Variants in FAHD2B observed in about 807,000 individuals in gnomAD.
The protein encoded by FAHD2B is fumarylacetoacetate hydrolase domain containing 2B, also known as oxaloacetate tautomerase FAHD2B, mitochondrial.
FAHD2B carries 26 observed loss-of-function variants against 33.7 expected under a neutral mutation model. The observed-to-expected ratio is 0.77, with a 90% CI of 0.57 to 1.07. The LOEUF is 1.07. FAHD2B is among the 50% of genes least tolerant of loss of function. FAHD2B has a pLI of 0.00. For missense variants in FAHD2B, 272 were observed against 388.1 expected (o/e 0.70, Z 2.51); for synonymous variants, 108 against 150.9 (o/e 0.72, Z 2.08).
At chr2:97,084,713 C>A (rs2031850878) in intron 6 of FAHD2B, among the ~76,000 whole-genome samples, 1 of 152,000 alleles carries the variant, frequency 6.6e-6, no homozygotes, top group African/African-American at 2.4e-5. Context: ...AGTTCAAAAC[C>A]AGCCTGGGTA....
intron 6 of FAHD2B, 30 bp from the exon 7 acceptor site, chr2:97,084,307 A>T (rs777664545): frequency 1.9e-6 from 3 of 1,611,480 alleles, no homozygotes; most frequent in Non-Finnish European, 2.5e-6. Context: ...CCTTGGAGTT[A>T]TCCCTTTTCC....
intron 2 of FAHD2B, 34 bp from the exon 3 acceptor site, chr2:97,091,746 G>A: frequency 6.3e-7 from 1 of 1,584,536 alleles, no homozygotes; most frequent in Non-Finnish European, 8.6e-7. Flanking sequence ...AGGAGATGGA[G>A]GATCTCAGAG....
chr2:97,083,114 G>A (rs1454323874), downstream of FAHD2B: 16 of 1,535,694 alleles, frequency 1.0e-5, no homozygotes, highest in Admixed American at 1.3e-4. Flanking sequence ...TGTGGTGAGC[G>A]CACTCATGGC....
chr2:97,081,098 C>T, downstream of FAHD2B: 4 of 1,509,468 alleles, frequency 2.6e-6, no homozygotes, highest in South Asian at 5.4e-5. Context: ...CCTCCGCCCC[C>T]AGCCTGTGCA....
downstream of FAHD2B, among the ~76,000 whole-genome samples, chr2:97,080,716 A>G (rs573780718): frequency 5.3e-5 from 8 of 152,224 alleles, no homozygotes; most frequent in South Asian, 1.7e-3. Context: ...CTCCCTATAC[A>G]TGAGCATGGA....
chr2:97,091,676 T>C lies in FAHD2B; in HGVS notation c.31A>G (p.Thr11Ala), dbSNP rs764083529. 5.0e-6 allele frequency: 8 copies of C among 1,613,168 alleles called. No individual in the cohort carries two copies. In the East Asian group the frequency reaches 6.7e-5, roughly 13 times the overall value. ...CACTTCTGAGCCTGCAGCAGAGCTG[T>C]GAGTAATCTTCTTCTACCAGACACC... Reference protein sequence around the residue: MLVSGRRRLLTALLQAQKWPF... With the variant: MLVSGRRRLLAALLQAQKWPF... Residue 11 changes from threonine (T) to alanine (A), a missense_variant, in exon 3 of 9, where the codon ACA (threonine) becomes GCA (alanine). Transcript: ENST00000414820.
At chr2:97,087,877 G>C (rs2032092096) in intron 4 of FAHD2B, among the ~76,000 whole-genome samples, 1 of 152,104 alleles carries the variant, frequency 6.6e-6, no homozygotes, top group Admixed American at 6.6e-5. Flanking sequence ...GAGGGACCTA[G>C]TGAACGTCAG....
downstream of FAHD2B, chr2:97,083,570 G>C (rs2031745330): frequency 9.2e-7 from 1 of 1,085,326 alleles, no homozygotes; most frequent in Non-Finnish European, 1.3e-6. Flanking sequence ...AAGACAAACA[G>C]CACAAGCCAA....
chr2:97,086,927 G>A (rs903830854), intron 4 of FAHD2B: 1 of 152,104 alleles, frequency 6.6e-6, no homozygotes, highest in African/African-American at 2.4e-5. Context: ...GAACAAACTT[G>A]AAGGTCCCTC....
Position 97,091,870 on chromosome 2 carries a change from A to T in FAHD2B, c.-14T>A, listed in dbSNP as rs906849275. 33 of 1,116,022 alleles carry T rather than the reference A, an allele frequency of 3.0e-5. No homozygotes were observed. Among genetic ancestry groups the T allele is most frequent in the African/African-American group, 7.8e-5 (5 of 63,698 alleles). The allele number at this position is 1,116,022 out of a possible 1,614,324, so 69.1% of individuals were successfully genotyped here. On this transcript the variant is annotated 5_prime_UTR_variant, in exon 2 of 9. Coordinates refer to ENST00000414820, the MANE Select transcript of FAHD2B (RefSeq NM_001320848.2). ...TCCAGGCTTGTATTTTACCTGCTAT[A>T]CTTCATAAGGTGAAACTTTTGTAGA...
In FAHD2B at chr2:97,084,248, C is replaced by T; in HGVS notation, c.715G>A (p.Val239Met). Residue 239 changes from valine to methionine, a missense_variant, in exon 7 of 9, where the codon GTG (valine) becomes ATG (methionine). By Grantham distance (21) the Val-to-Met change is conservative (BLOSUM62 1). Transcript: ENST00000414820. ...DPHNLKICCR[V>M]NGEVVQSSNT... is the part of the protein sequence containing the mutation. ...CTGCTCTGGACGACTTCCCCATTCA[C>T]TCGGCAGCAGATCTTTAAGTTGTGT... 1.9e-6 allele frequency: 3 copies of T among 1,613,750 alleles called. No individual in the cohort carries two copies. The highest frequency in any genetic ancestry group is 2.5e-6 in the Non-Finnish European group (3 of 1,179,854).
Position 97,091,505 on chromosome 2 carries a change from G to C in FAHD2B, c.202C>G (p.Gln68Glu). The part of the protein sequence containing the change: ...FDPTLPKTMT[Q>E]FLEQGEATLS... ...GTGGCCTCTCCCTGCTCTAGGAACT[G>C]CGTCATCGTCTTTGGGAGTGTGGGG... Residue 68 changes from glutamine (Q) to glutamate (E), a missense_variant, in exon 3 of 9, where the codon CAG becomes GAG. Coordinates refer to ENST00000414820, the MANE Select transcript of FAHD2B (RefSeq NM_001320848.2). 6.2e-7 allele frequency: 1 copy of C among 1,613,246 alleles called. No individual in the cohort carries two copies. The highest frequency in any genetic ancestry group is 8.5e-7 in the Non-Finnish European group (1 of 1,179,836).
rs766483177 is a variant in FAHD2B at position 97,091,656 on chromosome 2, C to T, written c.51G>A (p.Gln17=). Residue 17 remains glutamine (Q), a synonymous_variant, in exon 3 of 9, where the codon CAG becomes CAA. Transcript: ENST00000414820. The part of the protein sequence containing the change: ...RRLLTALLQA[Q]KWPFQPSRDM... ...CTCTGGAGGGTTGAAAGGGCCACTT[C>T]TGAGCCTGCAGCAGAGCTGTGAGTA... 6.2e-7 allele frequency: 1 copy of T among 1,613,808 alleles called. No homozygotes were observed. Among genetic ancestry groups the T allele is most frequent in the South Asian group, 1.1e-5 (1 of 90,984 alleles).
In FAHD2B at chr2:97,084,232, A is replaced by G. The variant is rs777750406; in HGVS notation, c.731T>C (p.Val244Ala). The G allele has an allele frequency of 1.2e-6, 2 of 1,613,620 alleles. No homozygotes were observed. The highest frequency in any genetic ancestry group is 1.3e-5 in the African/African-American group (1 of 74,900). Residue 244 changes from valine to alanine, a missense_variant, in exon 7 of 9, where the codon GTC becomes GCC. Val to Ala is a moderately conservative substitution (Grantham distance 64, BLOSUM62 0). Coordinates refer to ENST00000414820, the MANE Select transcript of FAHD2B (RefSeq NM_001320848.2). ...KICCRVNGEV[V>A]QSSNTNQMVF... ...CATCTGGTTGGTGTTGCTGCTCTGG[A>G]CGACTTCCCCATTCACTCGGCAGCA... is the stretch of plus-strand genomic sequence containing the variant.
chr2:97,091,800 C>T, intron 2 of FAHD2B, 63 bp downstream of exon 2: 1 of 1,511,884 alleles, frequency 6.6e-7, no homozygotes, highest in Non-Finnish European at 8.9e-7. Flanking sequence ...TAGCCCAAGG[C>T]CCTTTGCCCC....
intron 4 of FAHD2B, 35 bp downstream of exon 4, chr2:97,090,074 C>T (rs762437337): frequency 8.3e-6 from 12 of 1,443,922 alleles, no homozygotes; most frequent in Non-Finnish European, 3.8e-6. Context: ...TGTGATGGGC[C>T]CAGTGACTAG....
chr2:97,087,176 C>T (rs867131259), intron 4 of FAHD2B, among the ~76,000 whole-genome samples: 3 of 151,852 alleles, frequency 2.0e-5, no homozygotes, highest in Admixed American at 1.3e-4. Context: ...CTCAGCCTCC[C>T]GAGTAGCTGG....
downstream of FAHD2B, chr2:97,082,283 G>A (rs1331090868): frequency 2.8e-5 from 44 of 1,576,266 alleles, no homozygotes; most frequent in African/African-American, 4.1e-5. Context: ...ACAGGCTGCC[G>A]CCTTCCTCCG....
downstream of FAHD2B, among the ~76,000 whole-genome samples, chr2:97,080,360 T>A (rs771547691): frequency 1.3e-4 from 20 of 152,130 alleles, no homozygotes; most frequent in Non-Finnish European, 2.8e-4. Context: ...TCTCCATTGC[T>A]TGTTTTTGTC....
Sources: allele counts gnomAD v4.1 joint callset (sites outside exome capture counted in the v4.1 genomes callset), GRCh38; gene constraint gnomAD v4.1.1; transcripts MANE v1.5; gene names NCBI Gene and HGNC (gene_info 2026-07-23, HGNC 2026-07-21).